The following BMP6 variants were observed in gnomAD, a reference collection of about 807,000 sequenced individuals.
The protein encoded by BMP6 is bone morphogenetic protein 6.
In BMP6, 17 loss-of-function variants were observed where a neutral mutation model predicts 54.1. The observed-to-expected ratio is 0.31, with a 90% CI of 0.22 to 0.47. The LOEUF (loss-of-function observed/expected upper bound fraction) is 0.47, where lower values mean the gene tolerates loss of function less well. Among genes scored for constraint, BMP6 ranks in the 20% least tolerant of loss-of-function variants. The pLI is 1.00. For synonymous variants in BMP6, 328 were observed against 291.2 expected, an observed-to-expected ratio of 1.13 and a Z score of -1.28; for missense variants, 720 against 690.4, an observed-to-expected ratio of 1.04 and a Z score of -0.48.
At chr6:7,739,765 A>C (rs975068755) in intron 1 of BMP6, among the ~76,000 whole-genome samples, 3 of 151,988 alleles carry the variant, frequency 2.0e-5, no homozygotes, top group Non-Finnish European at 4.4e-5. Flanking sequence ...ATCCCCATCC[A>C]TCTGCTGAAA....
At chr6:7,740,646 C>T (rs1400830615) in intron 1 of BMP6, among the ~76,000 whole-genome samples, 3 of 152,110 alleles carry the variant, frequency 2.0e-5, no homozygotes, top group Non-Finnish European at 4.4e-5. Context: ...CACCCTGACT[C>T]GGGGGATTTG....
chr6:7,840,114 A>C lies in BMP6; in HGVS notation c.665-5026A>C, dbSNP rs117273695. Among the ~76,000 whole-genome samples the C allele has an allele frequency of 6.6e-5, 10 of 152,332 alleles. No homozygotes were observed. The East Asian group carries it at 1.9e-3, about 29-fold the overall frequency. On this transcript the variant is annotated intron_variant, in intron 1 of 6. Transcript: ENST00000283147. The stretch of plus-strand genomic sequence containing the variant: ...CTGACAGGCAGACGACCCTCCACAC[A>C]GGCTGCCTTGCTCTTAACCATAACC...
intron 1 of BMP6, among the ~76,000 whole-genome samples, chr6:7,842,391 C>T (rs1201370100): frequency 6.6e-6 from 1 of 152,070 alleles, no homozygotes; most frequent in Non-Finnish European, 1.5e-5. Flanking sequence ...CTTCTCCCAC[C>T]CACCCCCATC....
At chr6:7,807,913 CTTTTTT>C (rs755894743) in intron 1 of BMP6, among the ~76,000 whole-genome samples, 8 of 81,482 alleles carry the variant, frequency 9.8e-5, no homozygotes, top group African/African-American at 2.0e-4. Flanking sequence ...GAAGTCTTTA[CTTTTTT>C]TTTTTTTTTT....
At chr6:7,818,980 A>T (rs564003721) in intron 1 of BMP6, among the ~76,000 whole-genome samples, 1 of 152,344 alleles carries the variant, frequency 6.6e-6, no homozygotes, top group South Asian at 2.1e-4. Flanking sequence ...GTAAGACATG[A>T]GGACATGAGT....
intron 2 of BMP6, among the ~76,000 whole-genome samples, chr6:7,850,615 A>G (rs1394465552): frequency 6.6e-6 from 1 of 152,152 alleles, no homozygotes; most frequent in Non-Finnish European, 1.5e-5. Flanking sequence ...GTAAAAACAC[A>G]TTTTCCAGAA....
At chr6:7,828,466 G>A (rs1758735574) in intron 1 of BMP6, among the ~76,000 whole-genome samples, 1 of 152,200 alleles carries the variant, frequency 6.6e-6, no homozygotes, top group Non-Finnish European at 1.5e-5. Flanking sequence ...CACATGTCCT[G>A]CACACAGCTC....
Position 7,849,464 on chromosome 6 carries a change from G to A in BMP6, c.857+4132G>A, listed in dbSNP as rs563905239. On this transcript the variant is annotated intron_variant, in intron 2 of 6. Coordinates refer to ENST00000283147, the MANE Select transcript of BMP6 (RefSeq NM_001718.6). ...ATGCATACTAAGCTGACTTCACACCGGGAGTATAGACTGCTCTGAATGACT... is the reference window on the plus strand; with the variant it reads ...ATGCATACTAAGCTGACTTCACACCAGGAGTATAGACTGCTCTGAATGACT... 2.8e-4 allele frequency among the ~76,000 whole-genome samples: 43 copies of A among 152,152 alleles called. No individual in the cohort carries two copies. The South Asian group carries it at 7.5e-3, about 26-fold the overall frequency.
intron 1 of BMP6, among the ~76,000 whole-genome samples, chr6:7,775,190 G>A (rs1173029304): frequency 6.6e-6 from 1 of 152,146 alleles, no homozygotes; most frequent in African/African-American, 2.4e-5. Flanking sequence ...AACCATAGCA[G>A]CTATATTGAG....
At chr6:7,864,817 G>T (rs1284488304) in intron 4 of BMP6, among the ~76,000 whole-genome samples, 1 of 152,174 alleles carries the variant, frequency 6.6e-6, no homozygotes, top group African/African-American at 2.4e-5. Flanking sequence ...AAAAAGAGAA[G>T]AAATGCTTGC....
At chr6:7,798,348 C>A (rs1758221074) in intron 1 of BMP6, among the ~76,000 whole-genome samples, 1 of 152,206 alleles carries the variant, frequency 6.6e-6, no homozygotes, top group Non-Finnish European at 1.5e-5. Context: ...TGGTCTGGAC[C>A]ACTTTCCTCA....
intron 1 of BMP6, among the ~76,000 whole-genome samples, chr6:7,755,620 T>C (rs924550728): frequency 3.3e-5 from 5 of 152,122 alleles, no homozygotes; most frequent in Admixed American, 1.3e-4. Flanking sequence ...CCCACCTATT[T>C]ACCATTTCTC....
At chr6:7,775,390 C>A (rs1016458006) in intron 1 of BMP6, among the ~76,000 whole-genome samples, 1 of 152,092 alleles carries the variant, frequency 6.6e-6, no homozygotes, top group East Asian at 1.9e-4. Context: ...GCTGTGGAGA[C>A]CAAGCTTTTA....
chr6:7,782,122 C>T (rs562552398), intron 1 of BMP6, among the ~76,000 whole-genome samples: 3 of 151,278 alleles, frequency 2.0e-5, no homozygotes, highest in East Asian at 1.9e-4. Context: ...AAACTGCCAA[C>T]AAGACATGGC....
chr6:7,815,517 A>C (rs1205153138), intron 1 of BMP6, among the ~76,000 whole-genome samples: 1 of 152,184 alleles, frequency 6.6e-6, no homozygotes. Flanking sequence ...AATAGTACCT[A>C]CTGTTACTTT....
chr6:7,831,951 A>C (rs1758800047), intron 1 of BMP6, among the ~76,000 whole-genome samples: 1 of 152,186 alleles, frequency 6.6e-6, no homozygotes, highest in Non-Finnish European at 1.5e-5. Flanking sequence ...ATTCTTGGGC[A>C]CCATGTACTA....
At chr6:7,736,945 T>C (rs1034385607) in intron 1 of BMP6, among the ~76,000 whole-genome samples, 2 of 152,268 alleles carry the variant, frequency 1.3e-5, no homozygotes, top group East Asian at 1.9e-4. Context: ...CCCAGCACTT[T>C]GGGAGGCCGA....
intron 1 of BMP6, among the ~76,000 whole-genome samples, chr6:7,739,137 A>C (rs1485696089): frequency 2.6e-5 from 4 of 152,156 alleles, no homozygotes; most frequent in Non-Finnish European, 5.9e-5. Context: ...TTCTTTTCTA[A>C]TTTTGGAAGC....
In BMP6 at chr6:7,726,986, C is replaced by T; in HGVS notation, c.31C>T (p.Leu11=). 8.8e-7 allele frequency: 1 copy of T among 1,136,334 alleles called. No individual in the cohort carries two copies. The highest frequency in any genetic ancestry group is 1.1e-6 in the Non-Finnish European group (1 of 927,216). The allele number at this position is 1,136,334 out of a possible 1,614,324, so 70.4% of individuals were successfully genotyped here. A position where few individuals can be genotyped will look rare whatever the true frequency, so the allele number is the denominator to read the frequency against. Residue 11 remains leucine (L), a synonymous_variant, in exon 1 of 7, where the codon CTG becomes TTG. Coordinates refer to ENST00000283147, the MANE Select transcript of BMP6 (RefSeq NM_001718.6). The stretch of plus-strand genomic sequence containing the variant: ...GGGGCTGGGGCGGAGGGCGCAGTGG[C>T]TGTGCTGGTGGTGGGGGCTGCTGTG... MPGLGRRAQW[L]CWWWGLLCSC...
Sources: allele counts gnomAD v4.1 joint callset (sites outside exome capture counted in the v4.1 genomes callset), GRCh38; gene constraint gnomAD v4.1.1; transcripts MANE v1.5; gene names NCBI Gene and HGNC (gene_info 2026-07-23, HGNC 2026-07-21).